KREMEN2: variants seen among roughly 807,000 people sequenced by gnomAD.
KREMEN2 encodes the protein kringle containing transmembrane protein 2.
KREMEN2 carries 43 observed loss-of-function variants against 49.8 expected under a neutral mutation model. The observed-to-expected ratio is 0.86, with a 90% CI of 0.68 to 1.11. KREMEN2 has a LOEUF of 1.11. Among genes scored for constraint, KREMEN2 ranks in the 50% most tolerant of loss-of-function variants. The pLI is 0.00. For missense variants in KREMEN2, 686 were observed against 665.7 expected (o/e 1.03, Z -0.34); for synonymous variants, 355 against 304.9 (o/e 1.16, Z -1.71).
chr16:2,968,378 G>C lies in KREMEN2; in HGVS notation c.*358G>C. The C allele has an allele frequency of 1.3e-6, 2 of 1,535,678 alleles. No homozygotes were observed. The highest frequency in any genetic ancestry group is 1.7e-6 in the Non-Finnish European group (2 of 1,146,850). On this transcript the variant is annotated 3_prime_UTR_variant, in exon 9 of 9. Coordinates refer to ENST00000303746, the MANE Select transcript of KREMEN2 (RefSeq NM_172229.3). ...GATTTTGAATAAAGGATCTACTTTG[G>C]TACGGGCCTCGAAAGTTCTTCCGTG...
At chr16:2,967,276 T>C (rs1046551859) in intron 6 of KREMEN2, 34 bp downstream of exon 6, 95 of 1,364,270 alleles carry the variant, frequency 7.0e-5, no homozygotes, top group Non-Finnish European at 8.5e-5. Context: ...TGCCCGCTGT[T>C]CCCACCCCGC....
At position 2,967,897 on chromosome 16, in the gene KREMEN2, G is replaced by C; in HGVS notation, c.1266G>C (p.Gln422His). The C allele has an allele frequency of 6.4e-7, 1 of 1,560,490 alleles. No individual in the cohort carries two copies. Among genetic ancestry groups the C allele is most frequent in the Non-Finnish European group, 8.7e-7 (1 of 1,153,218 alleles). ...PRRSWAVWYQQPRGVALPCSP... is the reference protein window; with the variant it reads ...PRRSWAVWYQHPRGVALPCSP... ...GAAGCTGGGCTGTGTGGTACCAACA[G>C]CCCCGAGGGGTGGCCTTGCCCTGCT... Residue 422 changes from glutamine (Q) to histidine (H), a missense_variant, in exon 9 of 9, where the codon CAG becomes CAC. By Grantham distance (24) the Gln-to-His change is conservative. Coordinates refer to ENST00000303746, the MANE Select transcript of KREMEN2 (RefSeq NM_172229.3).
chr16:2,965,336 G>A (rs1002315913), intron 2 of KREMEN2, among the ~76,000 whole-genome samples: 1 of 152,134 alleles, frequency 6.6e-6, no homozygotes, highest in South Asian at 2.1e-4. Context: ...TCAGAGCGGG[G>A]GCCGAATGGG....
Position 2,965,041 on chromosome 16 carries a change from G to T in KREMEN2, c.269+8G>T. 6.6e-7 allele frequency: 1 copy of T among 1,524,824 alleles called. No homozygotes were observed. Among genetic ancestry groups the T allele is most frequent in the Non-Finnish European group, 8.8e-7 (1 of 1,139,786 alleles). The allele number at this position is 1,524,824 out of a possible 1,614,324, so 94.5% of individuals were successfully genotyped here. Reference sequence around the variant, plus strand: ...CGCGCACAACTTCTGCCGGTGAGGGGCGGGGCCTGCGCTGGGGGCGAGGCT... The same window carrying T: ...CGCGCACAACTTCTGCCGGTGAGGGTCGGGGCCTGCGCTGGGGGCGAGGCT... On this transcript the variant is annotated splice_region_variant and intron_variant, in intron 2 of 8. Coordinates refer to ENST00000303746, the MANE Select transcript of KREMEN2 (RefSeq NM_172229.3).
chr16:2,964,749 A>G, intron 1 of KREMEN2, 110 bp from the exon 2 acceptor site: 1 of 1,423,920 alleles, frequency 7.0e-7, no homozygotes, highest in Admixed American at 2.1e-5. Flanking sequence ...GGGCTCCTGC[A>G]GGGGCGGGTG....
At chr16:2,964,746 T>G in intron 1 of KREMEN2, 113 bp from the exon 2 acceptor site, 3 of 1,425,772 alleles carry the variant, frequency 2.1e-6, no homozygotes, top group African/African-American at 1.4e-5. Flanking sequence ...CGAGGGCTCC[T>G]GCAGGGGCGG....
chr16:2,966,477 C>T lies in KREMEN2; in HGVS notation c.486+28C>T. On this transcript the variant is annotated intron_variant, in intron 4 of 8. Coordinates refer to ENST00000303746, the MANE Select transcript of KREMEN2 (RefSeq NM_172229.3). This position sits in a 1 kb window ranked among gnomAD's most constrained non-coding sequence, Gnocchi z 8.4. Reference sequence around the variant, plus strand: ...ACTGCTCACGGGCCCAGACCAGTGACCCCTGACCTGGACCTAAAGACCACA... The same window carrying T: ...ACTGCTCACGGGCCCAGACCAGTGATCCCTGACCTGGACCTAAAGACCACA... The T allele has an allele frequency of 6.2e-6, 10 of 1,606,572 alleles. No individual in the cohort carries two copies. Among genetic ancestry groups the T allele is most frequent in the Non-Finnish European group, 8.5e-6 (10 of 1,178,082 alleles).
chr16:2,966,581 C>G lies in KREMEN2; in HGVS notation c.487-61C>G. The G allele has an allele frequency of 1.3e-6, 2 of 1,564,740 alleles. No homozygotes were observed. Among genetic ancestry groups the G allele is most frequent in the South Asian group, 2.3e-5 (2 of 87,062 alleles). On this transcript the variant is annotated intron_variant, in intron 4 of 8. Coordinates refer to ENST00000303746, the MANE Select transcript of KREMEN2 (RefSeq NM_172229.3). This position sits in a 1 kb window ranked among gnomAD's most constrained non-coding sequence, Gnocchi z 8.4. ...GCCCGATTCCCACCCCGACCCCAGG[C>G]CCCCACCACTTCACCCCTACCCCAG...
rs1251920737 is a variant in KREMEN2, at chr16:2,966,979, A to G, written c.710A>G (p.Asp237Gly). 3 of 1,555,764 alleles carry G rather than the reference A, an allele frequency of 1.9e-6. No homozygotes were observed. Among genetic ancestry groups the G allele is most frequent in the African/African-American group, 1.4e-5 (1 of 73,826 alleles). Reference protein sequence around the residue: ...QGVIYSPDFPDEYGPDRNCSW... With the variant: ...QGVIYSPDFPGEYGPDRNCSW... The stretch of plus-strand genomic sequence containing the variant: ...GTCATCTACTCCCCGGACTTCCCGG[A>G]CGAGTACGGGCCGGACCGGAACTGC... The change falls in exon 6 of 9, where the codon GAC (aspartate) becomes GGC (glycine). Residue 237 changes from aspartate (D) to glycine (G), a missense_variant. Transcript: ENST00000303746. This position sits in a 1 kb window ranked among gnomAD's most constrained non-coding sequence, Gnocchi z 8.4.
rs749996727 is a variant in KREMEN2, at chr16:2,967,558, G to GTGC, written c.1146_1148dup (p.Leu384dup). On this transcript the variant is annotated inframe_insertion, in exon 8 of 9. Transcript: ENST00000303746. Reference sequence around the variant, plus strand: ...CTTCTCGACGGTGACGGCTGTCTCGGTGCTGCTGCTGCTGCTCCTGGGGCT... The same window carrying GTGC: ...CTTCTCGACGGTGACGGCTGTCTCGGTGCTGCTGCTGCTGCTGCTCCTGGGGCT... The GTGC allele has an allele frequency of 1.5e-5, 23 of 1,532,344 alleles. No homozygotes were observed. The highest frequency in any genetic ancestry group is 3.5e-4 in the Middle Eastern group (2 of 5,664). The allele number at this position is 1,532,344 out of a possible 1,614,324, so 94.9% of individuals were successfully genotyped here.
chr16:2,965,102 C>T (rs1159359096), intron 2 of KREMEN2, 69 bp downstream of exon 2: 3 of 1,157,500 alleles, frequency 2.6e-6, no homozygotes, highest in East Asian at 5.3e-5. Context: ...GAAGCGGGGC[C>T]TCCGTGCGGG....
rs1473156223 is a variant in KREMEN2 at position 2,966,073 on chromosome 16, C to T, written c.270-67C>T. 5.7e-5 allele frequency: 81 copies of T among 1,415,244 alleles called. 1 individual carries two copies. The South Asian group carries it at 8.6e-4, about 15-fold the overall frequency. 87.7% of individuals were successfully genotyped at this position (1,415,244 alleles called of 1,614,324 possible). On this transcript the variant is annotated intron_variant, in intron 2 of 8. Transcript: ENST00000303746. This position sits in a 1 kb window ranked among gnomAD's most constrained non-coding sequence, Gnocchi z 8.4. ...TGAAGGCCACTTTGAGCATAGGCTG[C>T]GGGGCCGGGCCTGGGTTTGCTATTC...
chr16:2,964,415 C>G lies in KREMEN2; in HGVS notation c.-106C>G, dbSNP rs1318641153. 4.0e-6 allele frequency: 3 copies of G among 745,696 alleles called. No individual in the cohort carries two copies. The Admixed American group carries it at 7.9e-5, about 20-fold the overall frequency. 46.2% of individuals were successfully genotyped at this position (745,696 alleles called of 1,614,324 possible). ...CGGCTCAGAGTCGGACGAGGGGAGA[C>G]TGTCAGAGGACAACGCCCCCTAGGT... On this transcript the variant is annotated 5_prime_UTR_variant, in exon 1 of 9. Transcript: ENST00000303746.
rs750770074 is a variant in KREMEN2 at position 2,967,734 on chromosome 16, G to A, written c.1179-76G>A. 6 of 1,545,796 alleles carry A rather than the reference G, an allele frequency of 3.9e-6. No individual in the cohort carries two copies. In the South Asian group the frequency reaches 6.0e-5, roughly 15 times the overall value. On this transcript the variant is annotated intron_variant, in intron 8 of 8. Transcript: ENST00000303746. ...AGGCTTTGGGTCCACGCACAGGATC[G>A]CGCGCGGGATCGCAGGTAGAGCAGG... is the stretch of plus-strand genomic sequence containing the variant.
In KREMEN2 at chr16:2,968,238, T is replaced by C; in HGVS notation, c.*218T>C. On this transcript the variant is annotated 3_prime_UTR_variant, in exon 9 of 9. Transcript: ENST00000303746. ...GGTCCAGGCCCTCTCCATGGACCTG[T>C]ATGTGGGGGTGGTCTCTGGTTTCGG... The C allele has an allele frequency of 2.1e-6, 2 of 941,374 alleles. No individual in the cohort carries two copies. Among genetic ancestry groups the C allele is most frequent in the East Asian group, 2.6e-5 (1 of 38,104 alleles). The allele number at this position is 941,374 out of a possible 1,614,324, so 58.3% of individuals were successfully genotyped here.
At position 2,964,565 on chromosome 16, in the gene KREMEN2, C is replaced by T; in HGVS notation, c.45C>T (p.Leu15=). Residue 15 remains leucine, a synonymous_variant, in exon 1 of 9, where the codon CTC becomes CTT. Coordinates refer to ENST00000303746, the MANE Select transcript of KREMEN2 (RefSeq NM_172229.3). ...ALQGFLFLLF[L]PLLQPRGASA... Reference sequence around the variant, plus strand: ...AGGGCTTCCTCTTTCTCCTCTTCCTCCCGCTGCTGCAGCCGCGTGGGGCCT... The same window carrying T: ...AGGGCTTCCTCTTTCTCCTCTTCCTTCCGCTGCTGCAGCCGCGTGGGGCCT... 1 of 1,608,650 alleles carries T rather than the reference C, an allele frequency of 6.2e-7. No individual in the cohort carries two copies. Among genetic ancestry groups the T allele is most frequent in the Non-Finnish European group, 8.5e-7 (1 of 1,177,826 alleles).
Position 2,966,987 on chromosome 16 carries a change from G to C in KREMEN2, c.718G>C (p.Gly240Arg), listed in dbSNP as rs769470692. 3.9e-6 allele frequency: 6 copies of C among 1,553,928 alleles called. No individual in the cohort carries two copies. The highest frequency in any genetic ancestry group is 1.2e-5 in the South Asian group (1 of 84,596). The change falls in exon 6 of 9, where the codon GGG becomes CGG. Residue 240 changes from glycine to arginine, a missense_variant. Gly to Arg is a moderately radical substitution (Grantham distance 125). Transcript: ENST00000303746. This position sits in a 1 kb window ranked among gnomAD's most constrained non-coding sequence, Gnocchi z 8.4. Reference sequence around the variant, plus strand: ...CTCCCCGGACTTCCCGGACGAGTACGGGCCGGACCGGAACTGCAGCTGGGC... The same window carrying C: ...CTCCCCGGACTTCCCGGACGAGTACCGGCCGGACCGGAACTGCAGCTGGGC... ...IYSPDFPDEYGPDRNCSWALG... is the reference protein window; with the variant it reads ...IYSPDFPDEYRPDRNCSWALG...
Position 2,966,995 on chromosome 16 carries a change from C to G in KREMEN2, c.726C>G (p.Asp242Glu), listed in dbSNP as rs1184210938. 6 of 1,553,400 alleles carry G rather than the reference C, an allele frequency of 3.9e-6. No homozygotes were observed. The highest frequency in any genetic ancestry group is 1.4e-5 in the African/African-American group (1 of 73,672). The change falls in exon 6 of 9, where the codon GAC (aspartate) becomes GAG (glutamate). Residue 242 changes from aspartate to glutamate, a missense_variant. Coordinates refer to ENST00000303746, the MANE Select transcript of KREMEN2 (RefSeq NM_172229.3). This position sits in a 1 kb window ranked among gnomAD's most constrained non-coding sequence, Gnocchi z 8.4. ...ACTTCCCGGACGAGTACGGGCCGGA[C>G]CGGAACTGCAGCTGGGCCCTGGGCC... Reference protein sequence around the residue: ...SPDFPDEYGPDRNCSWALGPP... With the variant: ...SPDFPDEYGPERNCSWALGPP...
At chr16:2,965,802 C>T (rs1249161495) in intron 2 of KREMEN2, among the ~76,000 whole-genome samples, 2 of 149,262 alleles carry the variant, frequency 1.3e-5, no homozygotes, top group Non-Finnish European at 3.0e-5. Context: ...GTTTGAGGGA[C>T]GGAAGTGGCT....
Sources: gnomAD v4.1 joint callset for allele counts (sites outside exome capture counted in the v4.1 genomes callset) on GRCh38, gnomAD v4.1.1 for gene constraint, Gnocchi (gnomAD v3.1) non-coding constraint, MANE v1.5 for transcripts, NCBI Gene and HGNC (gene_info 2026-07-23, HGNC 2026-07-21) for gene names.